The following IREB2 variants were observed in gnomAD, a reference collection of about 807,000 sequenced individuals.
The protein encoded by IREB2 is iron-responsive element-binding protein 2.
Under a neutral mutation model 118.8 loss-of-function variants are expected in IREB2, and 39 were observed. That is an observed-to-expected ratio of 0.33 (90% CI 0.25 to 0.43). The LOEUF is 0.43. Among genes scored for constraint, IREB2 ranks in the 20% least tolerant of loss-of-function variants. The pLI, the probability that IREB2 is intolerant of heterozygous loss-of-function variation, is 1.00. For synonymous variants in IREB2, 372 were observed against 392.2 expected (o/e 0.95, Z 0.61); for missense variants, 900 against 1,147.3 (o/e 0.78, Z 3.11).
intron 2 of IREB2, among the ~76,000 whole-genome samples, chr15:78,440,590 C>T (rs1161870568): frequency 1.3e-5 from 2 of 152,162 alleles, no homozygotes; most frequent in Non-Finnish European, 2.9e-5. Context: ...TAGTCTCAGA[C>T]TCCTGACCTT....
At chr15:78,478,197 G>A in intron 9 of IREB2, 100 bp from the exon 10 acceptor site, 1 of 753,904 alleles carries the variant, frequency 1.3e-6, no homozygotes. Flanking sequence ...TTGCAGCACT[G>A]CGCTCCAGCC....
chr15:78,473,896 A>C (rs2051421553), intron 8 of IREB2: 1 of 152,238 alleles, frequency 6.6e-6, no homozygotes, highest in Admixed American at 6.5e-5. Flanking sequence ...TCTTTAATTA[A>C]ATTATTTGCC....
In IREB2 at chr15:78,438,284, C is replaced by A. The variant is rs903519753; in HGVS notation, c.-54C>A. The A allele has an allele frequency of 2.8e-6, 4 of 1,430,972 alleles. No individual in the cohort carries two copies. Among genetic ancestry groups the A allele is most frequent in the Non-Finnish European group, 3.9e-6 (4 of 1,032,898 alleles). 88.6% of individuals were successfully genotyped at this position (1,430,972 alleles called of 1,614,324 possible). A position where few individuals can be genotyped will look rare whatever the true frequency, so the allele number is the denominator to read the frequency against. ...CCTCCCCGTCTTCCCTGCCCGGCCTCCCCCTTCTTCCCCCGCTGGCCCCCT... is the reference window on the plus strand; with the variant it reads ...CCTCCCCGTCTTCCCTGCCCGGCCTACCCCTTCTTCCCCCGCTGGCCCCCT... On this transcript the variant is annotated 5_prime_UTR_variant, in exon 1 of 22. Transcript: ENST00000258886.
intron 10 of IREB2, among the ~76,000 whole-genome samples, chr15:78,481,223 T>G (rs1363005599): frequency 6.6e-6 from 1 of 152,162 alleles, no homozygotes; most frequent in Non-Finnish European, 1.5e-5. Flanking sequence ...CACTCCAGCC[T>G]TGAGCGATAG....
intron 2 of IREB2, among the ~76,000 whole-genome samples, chr15:78,449,229 AT>A (rs1333948234): frequency 1.3e-5 from 2 of 152,118 alleles, no homozygotes; most frequent in African/African-American, 4.8e-5. Flanking sequence ...TTTTTTAAGT[AT>A]TTGTTGAGTA....
chr15:78,476,459 C>A, intron 9 of IREB2, 100 bp downstream of exon 9: 1 of 829,548 alleles, frequency 1.2e-6, no homozygotes, highest in Non-Finnish European at 1.8e-6. Flanking sequence ...TTACTATTCA[C>A]AAAATTACAT....
chr15:78,495,497 T>G (rs1243787828), intron 20 of IREB2, among the ~76,000 whole-genome samples: 1 of 152,120 alleles, frequency 6.6e-6, no homozygotes, highest in Non-Finnish European at 1.5e-5. Context: ...TAAGCTACCT[T>G]TTTCATTAAG....
At chr15:78,495,913 A>T (rs2051830437) in intron 20 of IREB2, among the ~76,000 whole-genome samples, 1 of 152,202 alleles carries the variant, frequency 6.6e-6, no homozygotes, top group South Asian at 2.1e-4. Flanking sequence ...CAGTGGAGAA[A>T]AAAGTTGAAA....
intron 10 of IREB2, among the ~76,000 whole-genome samples, chr15:78,481,392 T>C (rs1226338697): frequency 6.6e-6 from 1 of 151,798 alleles, no homozygotes; most frequent in East Asian, 1.9e-4. Context: ...AATCTCGCTC[T>C]GTCACCAGGC....
rs1282324935 is a variant in IREB2, at chr15:78,488,162, T to C, written c.1795-18T>C. ...CTAGAATTGAATTTATTTGTTTGTG[T>C]GTTTGTGTTTTTTTCAGGGTGATTT... On this transcript the variant is annotated intron_variant, in intron 14 of 21. Transcript: ENST00000258886. The C allele has an allele frequency of 6.3e-7, 1 of 1,598,412 alleles. No individual in the cohort carries two copies. Among genetic ancestry groups the C allele is most frequent in the Admixed American group, 1.8e-5 (1 of 56,584 alleles).
intron 9 of IREB2, among the ~76,000 whole-genome samples, chr15:78,477,366 A>G (rs2051489195): frequency 6.6e-6 from 1 of 152,128 alleles, no homozygotes; most frequent in Non-Finnish European, 1.5e-5. Flanking sequence ...CCTCAACTGC[A>G]AGATTTGAAA....
intron 16 of IREB2, among the ~76,000 whole-genome samples, chr15:78,489,162 C>T (rs577519537): frequency 8.6e-5 from 13 of 150,782 alleles, no homozygotes; most frequent in East Asian, 5.9e-4. Context: ...GCGGAGGTTG[C>T]GGTGATCCGA....
intron 7 of IREB2, among the ~76,000 whole-genome samples, chr15:78,472,801 T>C (rs2051401160): frequency 6.6e-6 from 1 of 152,212 alleles, no homozygotes; most frequent in Non-Finnish European, 1.5e-5. Context: ...CTTCTGAAAG[T>C]CTTAACTCCC....
At chr15:78,463,192 AC>A in intron 3 of IREB2, 105 bp downstream of exon 3, 1 of 949,702 alleles carries the variant, frequency 1.1e-6, no homozygotes, top group Non-Finnish European at 1.6e-6. Flanking sequence ...TAATCCCAGT[AC>A]TTTGGGAGGC....
At chr15:78,459,404 C>T (rs183774856) in intron 2 of IREB2, among the ~76,000 whole-genome samples, 1 of 152,196 alleles carries the variant, frequency 6.6e-6, no homozygotes, top group Admixed American at 6.5e-5. Context: ...GGCTGGAGTG[C>T]AGTGGCAAGG....
intron 2 of IREB2, among the ~76,000 whole-genome samples, chr15:78,462,476 T>C (rs1397793100): frequency 3.3e-5 from 5 of 152,226 alleles, no homozygotes; most frequent in African/African-American, 4.8e-5. Flanking sequence ...CTTTTAAACT[T>C]TAATCATTTT....
intron 5 of IREB2, among the ~76,000 whole-genome samples, chr15:78,470,308 C>T (rs925539826): frequency 2.6e-5 from 4 of 152,202 alleles, no homozygotes; most frequent in Non-Finnish European, 4.4e-5. Context: ...GGCTTTCTTA[C>T]ACTCAGTAAA....
chr15:78,445,143 T>TAA (rs2050908058), intron 2 of IREB2, among the ~76,000 whole-genome samples: 1 of 151,276 alleles, frequency 6.6e-6, no homozygotes. Flanking sequence ...TTTATTTTTT[T>TAA]TTTTTTTTTT....
Position 78,501,184 on chromosome 15 carries a change from C to G in IREB2, c.*3041C>G, listed in dbSNP as rs899133911. The G allele has an allele frequency of 6.6e-6, 1 of 152,204 alleles. No individual in the cohort carries two copies. Among genetic ancestry groups the G allele is most frequent in the Admixed American group, 6.6e-5 (1 of 15,264 alleles). The allele number at this position is 152,204 out of a possible 1,614,324, so 9.4% of individuals were successfully genotyped here. On this transcript the variant is annotated 3_prime_UTR_variant, in exon 22 of 22. Coordinates refer to ENST00000258886, the MANE Select transcript of IREB2 (RefSeq NM_004136.4). Reference sequence around the variant, plus strand: ...TTTTTTCCCCTAAAGAGTGATATTGCTGACGTTTCTATCAATTTTACACAT... The same window carrying G: ...TTTTTTCCCCTAAAGAGTGATATTGGTGACGTTTCTATCAATTTTACACAT...
Sources: gnomAD v4.1 joint callset for allele counts (sites outside exome capture counted in the v4.1 genomes callset) on GRCh38, gnomAD v4.1.1 for gene constraint, MANE v1.5 for transcripts, NCBI Gene and HGNC (gene_info 2026-07-23, HGNC 2026-07-21) for gene names.